The following RFX7 variants were observed in gnomAD, a reference collection of about 807,000 sequenced individuals.
RFX7 encodes the protein DNA-binding protein RFX7.
A neutral mutation model predicts 111.8 loss-of-function variants in RFX7; 26 were observed. The ratio of observed to expected loss-of-function variants is 0.23; its 90% CI spans 0.17 to 0.32. RFX7 has a LOEUF of 0.32. Ranked by LOEUF, RFX7 falls within the 10% of genes least tolerant of loss-of-function variation. The pLI, the probability that RFX7 is intolerant of heterozygous loss-of-function variation, is 1.00. For missense variants in RFX7, 1,573 were observed against 1,772.9 expected, an observed-to-expected ratio of 0.89 and a Z score of 2.02; for synonymous variants, 624 against 624.4, an observed-to-expected ratio of 1.00 and a Z score of 0.01.
chr15:56,164,870 C>G (rs2042764828), intron 3 of RFX7, among the ~76,000 whole-genome samples: 1 of 152,124 alleles, frequency 6.6e-6, no homozygotes, highest in Non-Finnish European at 1.5e-5. Flanking sequence ...TCATTTGCCT[C>G]AGGAGTACAA....
Position 56,093,341 on chromosome 15 carries a change from C to A in RFX7, c.*4G>T. 1 of 1,597,258 alleles carries A rather than the reference C, an allele frequency of 6.3e-7. No homozygotes were observed. The highest frequency in any genetic ancestry group is 8.5e-7 in the Non-Finnish European group (1 of 1,171,944). ...ACAGTGTGCTACATGTTATAAAACA[C>A]AATTTAACCCAACATTTCAACAGTA... On this transcript the variant is annotated 3_prime_UTR_variant, in exon 10 of 10. Transcript: ENST00000559447.
In RFX7 at chr15:56,132,171, G is replaced by A. The variant is rs117741866; in HGVS notation, c.401+10607C>T. ...TTTTTCTAAAATTTTCAGTTAATGT[G>A]TTTGAATCAAAATCCCCTTAGAGTT... On this transcript the variant is annotated intron_variant, in intron 5 of 9. Transcript: ENST00000559447. 8.8e-3 allele frequency among the ~76,000 whole-genome samples: 1,345 copies of A among 152,088 alleles called. 8 individuals are homozygous for A. Among genetic ancestry groups the A allele is most frequent in the Non-Finnish European group, 0.014 (956 of 67,936 alleles).
intron 5 of RFX7, among the ~76,000 whole-genome samples, chr15:56,107,921 T>TA (rs2041853602): frequency 1.3e-5 from 2 of 152,160 alleles, no homozygotes; most frequent in Non-Finnish European, 2.9e-5. Flanking sequence ...GAGAATACTA[T>TA]AAACACCTCT....
At chr15:56,139,295 C>T (rs2042352510) in intron 5 of RFX7, among the ~76,000 whole-genome samples, 1 of 151,636 alleles carries the variant, frequency 6.6e-6, no homozygotes, top group African/African-American at 2.4e-5. Flanking sequence ...TCCCATATTT[C>T]TTGGAGGCTT....
chr15:56,162,633 A>G (rs556790483), intron 3 of RFX7, among the ~76,000 whole-genome samples: 1 of 145,764 alleles, frequency 6.9e-6, no homozygotes, highest in Non-Finnish European at 1.5e-5. Context: ...TCGAGTCCCT[A>G]ACAGGAGAGA....
At chr15:56,125,400 AT>A (rs1309517232) in intron 5 of RFX7, among the ~76,000 whole-genome samples, 3 of 152,140 alleles carry the variant, frequency 2.0e-5, no homozygotes, top group Non-Finnish European at 2.9e-5. Flanking sequence ...TACAATCAGT[AT>A]TTTGATAGGA....
chr15:56,217,192 C>A (rs2043371322), intron 2 of RFX7, among the ~76,000 whole-genome samples: 3 of 152,100 alleles, frequency 2.0e-5, no homozygotes, highest in Admixed American at 2.0e-4. Context: ...CATTACAATA[C>A]CTGACATCTC....
chr15:56,128,274 C>CA (rs1296323033), intron 5 of RFX7, among the ~76,000 whole-genome samples: 2 of 152,066 alleles, frequency 1.3e-5, no homozygotes, highest in Non-Finnish European at 2.9e-5. Context: ...CAAAATCAGA[C>CA]AAAAGCATTC....
At chr15:56,124,592 C>A (rs1192656880) in intron 5 of RFX7, among the ~76,000 whole-genome samples, 1 of 152,128 alleles carries the variant, frequency 6.6e-6, no homozygotes, top group African/African-American at 2.4e-5. Flanking sequence ...TTTTTATCTG[C>A]GTTTCCCTGA....
intron 3 of RFX7, chr15:56,160,650 T>A (rs779862542): frequency 2.0e-5 from 3 of 151,960 alleles, no homozygotes; most frequent in Non-Finnish European, 4.4e-5. Flanking sequence ...AGTATAAGGA[T>A]CAAAAGGGAG....
chr15:56,208,436 A>T (rs2043277962), intron 2 of RFX7, among the ~76,000 whole-genome samples: 1 of 152,148 alleles, frequency 6.6e-6, no homozygotes, highest in Non-Finnish European at 1.5e-5. Flanking sequence ...GCTCCCCCAC[A>T]TACCTTACTA....
intron 2 of RFX7, among the ~76,000 whole-genome samples, chr15:56,218,546 C>A (rs1397159204): frequency 3.9e-5 from 6 of 152,154 alleles, no homozygotes; most frequent in Non-Finnish European, 7.4e-5. Flanking sequence ...GTCCTGGAAC[C>A]AATTCCCCAC....
chr15:56,234,019 T>A (rs16976832), intron 2 of RFX7, among the ~76,000 whole-genome samples: 19,811 of 152,160 alleles, frequency 0.13, 1,685 homozygotes, highest in East Asian at 0.44. Flanking sequence ...GCTAGTGAGA[T>A]TAACAATGAC....
chr15:56,100,088 T>C (rs1280182778), intron 8 of RFX7, among the ~76,000 whole-genome samples: 1 of 152,184 alleles, frequency 6.6e-6, no homozygotes, highest in Non-Finnish European at 1.5e-5. Context: ...TATGACATTA[T>C]GATATAATTG....
intron 5 of RFX7, among the ~76,000 whole-genome samples, chr15:56,108,452 CAT>C (rs755928081): frequency 3.8e-4 from 58 of 152,304 alleles, no homozygotes; most frequent in Non-Finnish European, 5.9e-4. Context: ...ACAAAAACCA[CAT>C]GATTCTCTCA....
Position 56,092,271 on chromosome 15 carries a change from A to G in RFX7, c.*1074T>C, listed in dbSNP as rs1261009681. 2.6e-5 allele frequency: 4 copies of G among 152,502 alleles called. No homozygotes were observed. Among genetic ancestry groups the G allele is most frequent in the Non-Finnish European group, 4.4e-5 (3 of 67,968 alleles). The allele number at this position is 152,502 out of a possible 1,614,324, so 9.4% of individuals were successfully genotyped here. A position where few individuals can be genotyped will look rare whatever the true frequency, so the allele number is the denominator to read the frequency against. On this transcript the variant is annotated 3_prime_UTR_variant, in exon 10 of 10. Coordinates refer to ENST00000559447, the MANE Select transcript of RFX7 (RefSeq NM_022841.7). ...GTGGCTTCAGACCTTAGGTGGTGAAATGTTTTTTGTTGTTTTTTATGTTAT... is the reference window on the plus strand; with the variant it reads ...GTGGCTTCAGACCTTAGGTGGTGAAGTGTTTTTTGTTGTTTTTTATGTTAT...
At chr15:56,216,242 G>A (rs1190898316) in intron 2 of RFX7, among the ~76,000 whole-genome samples, 2 of 151,988 alleles carry the variant, frequency 1.3e-5, no homozygotes, top group East Asian at 3.9e-4. Flanking sequence ...TAGAATCTTG[G>A]GTAGATTTCA....
At chr15:56,129,506 A>G (rs1223341172) in intron 5 of RFX7, among the ~76,000 whole-genome samples, 3 of 152,198 alleles carry the variant, frequency 2.0e-5, no homozygotes, top group African/African-American at 7.2e-5. Context: ...CATATCCACA[A>G]CTTACAAATG....
At chr15:56,218,197 C>T (rs1272951060) in intron 2 of RFX7, among the ~76,000 whole-genome samples, 1 of 131,854 alleles carries the variant, frequency 7.6e-6, no homozygotes, top group African/African-American at 3.0e-5. Context: ...TCTTGTTGCC[C>T]AGGCTGGAGT....
Sources: gnomAD v4.1 joint callset for allele counts (sites outside exome capture counted in the v4.1 genomes callset) on GRCh38, gnomAD v4.1.1 for gene constraint, MANE v1.5 for transcripts, NCBI Gene and HGNC (gene_info 2026-07-23, HGNC 2026-07-21) for gene names.